The following MYOF variants were observed in gnomAD, a reference collection of about 807,000 sequenced individuals.
MYOF encodes the protein myoferlin.
Under a neutral mutation model 284.2 loss-of-function variants are expected in MYOF, and 244 were observed. That is an observed-to-expected ratio of 0.86 (90% CI 0.77 to 0.95). The LOEUF (loss-of-function observed/expected upper bound fraction) is 0.95. Ranked by LOEUF, MYOF falls within the 40% of genes least tolerant of loss-of-function variation. The pLI is 0.00. For missense variants in MYOF, 2,496 were observed against 2,560.6 expected (o/e 0.97, Z 0.54); for synonymous variants, 904 against 919.7 (o/e 0.98, Z 0.31).
chr10:93,436,057 T>C (rs1174470605), intron 3 of MYOF, among the ~76,000 whole-genome samples: 1 of 151,956 alleles, frequency 6.6e-6, no homozygotes, highest in Non-Finnish European at 1.5e-5. Context: ...GATTGTCTTA[T>C]AATGTCGTGA....
chr10:93,314,694 T>C (rs564909466), intron 50 of MYOF, among the ~76,000 whole-genome samples: 1 of 152,340 alleles, frequency 6.6e-6, no homozygotes, highest in South Asian at 2.1e-4. Context: ...GGTTATGTGC[T>C]CACTTGGCAT....
Position 93,337,841 on chromosome 10 carries a change from T to C in MYOF, c.4411A>G (p.Ile1471Val), listed in dbSNP as rs540502257. ...SGEHEKCGQY[I>V]QKGYSKLKIY... ...TTGAGCTTGGAATAGCCTTTCTGAA[T>C]ATACTGTCCGCATTTTTCATGTTCC... The change falls in exon 40 of 54, where the codon ATT becomes GTT. Residue 1471 changes from isoleucine to valine, a missense_variant. Transcript: ENST00000359263. The C allele has an allele frequency of 1.9e-6, 3 of 1,614,072 alleles. No homozygotes were observed. The highest frequency in any genetic ancestry group is 3.3e-5 in the Admixed American group (2 of 60,010).
intron 22 of MYOF, among the ~76,000 whole-genome samples, chr10:93,376,406 T>A (rs1184446925): frequency 2.0e-5 from 3 of 152,160 alleles, no homozygotes; most frequent in Non-Finnish European, 4.4e-5. Context: ...GGGCATCAGA[T>A]ATGTCATTTC....
At chr10:93,329,048 C>A in intron 44 of MYOF, 137 bp from the exon 45 acceptor site, 1 of 811,536 alleles carries the variant, frequency 1.2e-6, no homozygotes, top group Non-Finnish European at 1.8e-6. Flanking sequence ...CTGACTTTGG[C>A]CTAGAAATCT....
Position 93,323,131 on chromosome 10 carries a change from G to T in MYOF, c.5403C>A (p.Ile1801=). The T allele has an allele frequency of 6.2e-7, 1 of 1,614,098 alleles. No individual in the cohort carries two copies. Among genetic ancestry groups the T allele is most frequent in the Admixed American group, 1.7e-5 (1 of 60,018 alleles). Residue 1801 remains isoleucine, a synonymous_variant, in exon 48 of 54, where the codon ATC becomes ATA. Transcript: ENST00000359263. ...CTCCTGTGATGCTTTTCTCGTCCAA[G>T]ATAACGTCCTTGGTGTTCCAGATGA... ...RVIIWNTKDV[I]LDEKSITGEE...
chr10:93,316,939 A>G (rs1312094524), intron 49 of MYOF, 126 bp from the exon 50 acceptor site: 1 of 693,954 alleles, frequency 1.4e-6, no homozygotes, highest in Non-Finnish European at 2.5e-6. Flanking sequence ...TTGGGCCTAA[A>G]TCCTTCCACT....
intron 4 of MYOF, among the ~76,000 whole-genome samples, chr10:93,427,530 C>CA (rs11293315): frequency 1.5e-3 from 126 of 81,730 alleles, no homozygotes; most frequent in African/African-American, 2.8e-3. Flanking sequence ...GACTCCGTCT[C>CA]AAAAAAAAAA....
chr10:93,460,297 G>A (rs2056842977), intron 1 of MYOF, among the ~76,000 whole-genome samples: 1 of 152,184 alleles, frequency 6.6e-6, no homozygotes, highest in African/African-American at 2.4e-5. Flanking sequence ...GCCAAGCCTG[G>A]GACCATGGAT....
At chr10:93,308,241 TC>T (rs1478827967) in intron 53 of MYOF, among the ~76,000 whole-genome samples, 1 of 31,714 alleles carries the variant, frequency 3.2e-5, no homozygotes, top group African/African-American at 5.4e-5. Context: ...AAACCCCATC[TC>T]AAAAAAAATA....
At chr10:93,431,131 C>T (rs550943645) in intron 4 of MYOF, among the ~76,000 whole-genome samples, 24 of 150,724 alleles carry the variant, frequency 1.6e-4, no homozygotes, top group African/African-American at 4.6e-4. Context: ...TGGGTTCAAG[C>T]GAGTCTCCTG....
intron 24 of MYOF, 85 bp downstream of exon 24, chr10:93,372,845 T>C: frequency 2.0e-6 from 3 of 1,488,802 alleles, no homozygotes; most frequent in South Asian, 1.2e-5. Flanking sequence ...CATTCAATGA[T>C]TTGCAAATGA....
intron 1 of MYOF, among the ~76,000 whole-genome samples, chr10:93,479,784 G>A (rs2057348929): frequency 6.6e-6 from 1 of 152,150 alleles, no homozygotes; most frequent in Non-Finnish European, 1.5e-5. Context: ...TTAGCTAAAT[G>A]AATGAATGAC....
In MYOF at chr10:93,452,270, G is replaced by T. The variant is rs2056614271; in HGVS notation, c.145-129C>A. 9.8e-6 allele frequency: 7 copies of T among 713,696 alleles called. No homozygotes were observed. The Admixed American group carries it at 2.0e-4, about 20-fold the overall frequency. 44.2% of individuals were successfully genotyped at this position (713,696 alleles called of 1,614,324 possible). ...ACCAATGACAATCTTTTGAAGTTATGCAGAAATGATTAAATTCTAAACCTG... is the reference window on the plus strand; with the variant it reads ...ACCAATGACAATCTTTTGAAGTTATTCAGAAATGATTAAATTCTAAACCTG... On this transcript the variant is annotated intron_variant, in intron 2 of 53. Transcript: ENST00000359263.
rs12256834 is a variant in MYOF, at chr10:93,351,735, T to C, written c.3593A>G (p.Tyr1198Cys). 1.9e-6 allele frequency: 3 copies of C among 1,599,540 alleles called. No homozygotes were observed. Among genetic ancestry groups the C allele is most frequent in the Admixed American group, 1.8e-5 (1 of 55,174 alleles). The change falls in exon 33 of 54, where the codon TAT becomes TGT. Residue 1198 changes from tyrosine to cysteine, a missense_variant. Physicochemically the swap from Tyr to Cys is radical, Grantham distance 194. This residue lies in a region of MYOF where 2,436 missense variants were observed against 2,480.7 expected (regional missense o/e 0.98). Transcript: ENST00000359263. Reference sequence around the variant, plus strand: ...CTGTAGAACTGTTTGGGGTTCCCCATAGATTTCAACTTCATCGAATATAAT... The same window carrying C: ...CTGTAGAACTGTTTGGGGTTCCCCACAGATTTCAACTTCATCGAATATAAT... ...QTIIFDEVEI[Y>C]GEPQTVLQNP...
rs775801880 is a variant in MYOF, at chr10:93,328,857, A to AT, written c.5036dup (p.Asn1679LysfsTer19). 6.2e-7 allele frequency: 1 copy of AT among 1,613,852 alleles called. No individual in the cohort carries two copies. Among genetic ancestry groups the AT allele is most frequent in the African/African-American group, 1.3e-5 (1 of 75,060 alleles). ...GTGGGAAGCCTTTGAATCTGGCGAC[A>AT]TTTTGAAGCAGCTGTGTTGGTCTCA... is the stretch of plus-strand genomic sequence containing the variant. On this transcript the variant is annotated frameshift_variant, in exon 45 of 54. Transcript: ENST00000359263. LOFTEE classifies it high-confidence loss of function.
Position 93,369,110 on chromosome 10 carries a change from C to CTTTTTTTTTTTTTTTTTTTTT in MYOF, c.2589+514_2589+534dup, listed in dbSNP as rs66923086. On this transcript the variant is annotated intron_variant, in intron 25 of 53. Coordinates refer to ENST00000359263, the MANE Select transcript of MYOF (RefSeq NM_013451.4). ...TATTGTTTTAGAAGTATTCAGACAG[C>CTTTTTTTTTTTTTTTTTTTTT]TTTTTTTTTTTTTTTTTTTTTTGCC... 2.9e-4 allele frequency among the ~76,000 whole-genome samples: 23 copies of CTTTTTTTTTTTTTTTTTTTTT among 78,314 alleles called. 3 individuals are homozygous for CTTTTTTTTTTTTTTTTTTTTT. The highest frequency in any genetic ancestry group is 1.4e-3 in the African/African-American group (21 of 15,450). The allele number at this position is 78,314 out of a possible 152,430, so 51.4% of individuals were successfully genotyped here.
chr10:93,325,364 G>A (rs756908424), intron 46 of MYOF, among the ~76,000 whole-genome samples: 8 of 152,280 alleles, frequency 5.3e-5, no homozygotes, highest in East Asian at 1.9e-4. Context: ...GAACCGGGCC[G>A]AGCTCAATCA....
chr10:93,405,641 T>G (rs1847522177), intron 7 of MYOF, among the ~76,000 whole-genome samples: 1 of 152,208 alleles, frequency 6.6e-6, no homozygotes, highest in Admixed American at 6.5e-5. Flanking sequence ...GTTTCCTCAC[T>G]GTCGGATGCA....
intron 32 of MYOF, among the ~76,000 whole-genome samples, chr10:93,352,432 C>G (rs1314776672): frequency 6.6e-6 from 1 of 152,132 alleles, no homozygotes; most frequent in African/African-American, 2.4e-5. Flanking sequence ...TTCCAGGTCT[C>G]AAGAGTATAA....
Sources: gnomAD v4.1 joint callset for allele counts (sites outside exome capture counted in the v4.1 genomes callset) on GRCh38, gnomAD v4.1.1 for gene constraint, gnomAD v4.1.1 regional missense constraint, MANE v1.5 for transcripts, NCBI Gene and HGNC (gene_info 2026-07-23, HGNC 2026-07-21) for gene names.